PARM1: variants seen among roughly 807,000 people sequenced by gnomAD.
PARM1 encodes the protein prostate androgen-regulated mucin-like protein 1, also known as WSC4, cell wall integrity and stress response component 4 homolog.
In PARM1, 14 loss-of-function variants were observed where a neutral mutation model predicts 24.6. That is an observed-to-expected ratio of 0.57 (90% CI 0.38 to 0.89). The LOEUF is 0.89. Among genes scored for constraint, PARM1 ranks in the 40% least tolerant of loss-of-function variants. The pLI, the probability that PARM1 is intolerant of heterozygous loss-of-function variation, is 0.00. For missense variants in PARM1, 362 were observed against 380.4 expected, an observed-to-expected ratio of 0.95 and a Z score of 0.40; for synonymous variants, 179 against 156.6, an observed-to-expected ratio of 1.14 and a Z score of -1.07.
intron 1 of PARM1, among the ~76,000 whole-genome samples, chr4:75,001,146 A>G (rs1305813644): frequency 6.6e-6 from 1 of 152,214 alleles, no homozygotes; most frequent in Non-Finnish European, 1.5e-5. Context: ...ATGGCATGTA[A>G]TAAGCATTAG....
chr4:74,956,121 C>G (rs1346126433), intron 1 of PARM1: 2 of 152,226 alleles, frequency 1.3e-5, no homozygotes, highest in African/African-American at 4.8e-5. Flanking sequence ...AGGTGGAACA[C>G]CTGGTAGTCA....
chr4:75,011,080 C>G (rs908866596), intron 1 of PARM1, among the ~76,000 whole-genome samples: 1 of 152,038 alleles, frequency 6.6e-6, no homozygotes, highest in East Asian at 1.9e-4. Flanking sequence ...ACAGCCAGAT[C>G]CTGAGAGAAC....
chr4:75,039,070 G>A (rs1192856578), intron 3 of PARM1, among the ~76,000 whole-genome samples: 1 of 152,198 alleles, frequency 6.6e-6, no homozygotes, highest in Non-Finnish European at 1.5e-5. Context: ...CTGGTTGTTA[G>A]AGTAGGCCCA....
chr4:74,975,882 C>T (rs1722131407), intron 1 of PARM1, among the ~76,000 whole-genome samples: 1 of 152,162 alleles, frequency 6.6e-6, no homozygotes, highest in African/African-American at 2.4e-5. Flanking sequence ...AATCCTACAC[C>T]TTCAGCACAG....
chr4:75,013,406 A>G (rs1722919024), intron 2 of PARM1, among the ~76,000 whole-genome samples: 1 of 152,252 alleles, frequency 6.6e-6, no homozygotes, highest in African/African-American at 2.4e-5. Flanking sequence ...TAAGCACATG[A>G]GACCAGATAG....
chr4:74,969,319 A>C (rs1721975319), intron 1 of PARM1, among the ~76,000 whole-genome samples: 1 of 152,202 alleles, frequency 6.6e-6, no homozygotes, highest in African/African-American at 2.4e-5. Flanking sequence ...CTTAGAGGGA[A>C]AGCATGAACC....
intron 2 of PARM1, among the ~76,000 whole-genome samples, chr4:75,015,861 C>A (rs1722974873): frequency 6.6e-6 from 1 of 152,216 alleles, no homozygotes; most frequent in Admixed American, 6.5e-5. Flanking sequence ...CCTTTATTAG[C>A]TAGCAGACCA....
At chr4:74,944,333 G>T (rs1358945048) in intron 1 of PARM1, among the ~76,000 whole-genome samples, 2 of 152,202 alleles carry the variant, frequency 1.3e-5, no homozygotes, top group Non-Finnish European at 2.9e-5. Context: ...ATGACACTTT[G>T]TGTTTATTTA....
chr4:75,000,461 T>C (rs1193876268), intron 1 of PARM1, among the ~76,000 whole-genome samples: 2 of 152,202 alleles, frequency 1.3e-5, no homozygotes, highest in African/African-American at 4.8e-5. Context: ...CCTTTCACTC[T>C]CATCATTCTT....
At position 74,988,638 on chromosome 4, in the gene PARM1, G is replaced by A. The variant is rs150859798; in HGVS notation, c.44-23787G>A. Among the ~76,000 whole-genome samples, 235 of 152,286 alleles carry A rather than the reference G, an allele frequency of 1.5e-3. No homozygotes were observed. In the Middle Eastern group the frequency reaches 0.017, roughly 11 times the overall value. The stretch of plus-strand genomic sequence containing the variant: ...AAATGTTATAAAAGTGTAAAAGAGA[G>A]TCATTCACTCATTAAATAAACACTT... On this transcript the variant is annotated intron_variant, in intron 1 of 3. Coordinates refer to ENST00000307428, the MANE Select transcript of PARM1 (RefSeq NM_015393.4).
intron 1 of PARM1, among the ~76,000 whole-genome samples, chr4:74,995,074 A>AT (rs1412150659): frequency 2.6e-5 from 4 of 152,184 alleles, no homozygotes; most frequent in Admixed American, 2.6e-4. Context: ...ACTAAAGGCC[A>AT]TACCCTGGGA....
chr4:74,968,001 C>A (rs1189667608), intron 1 of PARM1, among the ~76,000 whole-genome samples: 2 of 152,182 alleles, frequency 1.3e-5, no homozygotes, highest in African/African-American at 2.4e-5. Context: ...GAAGTGTTTG[C>A]AGGTTCCTCC....
Position 75,047,327 on chromosome 4 carries a change from G to A in PARM1, c.*1080G>A, listed in dbSNP as rs1395254293. 6.6e-6 allele frequency: 1 copy of A among 152,194 alleles called. No homozygotes were observed. Among genetic ancestry groups the A allele is most frequent in the Non-Finnish European group, 1.5e-5 (1 of 68,038 alleles). 9.4% of individuals were successfully genotyped at this position (152,194 alleles called of 1,614,324 possible). On this transcript the variant is annotated 3_prime_UTR_variant, in exon 4 of 4. Transcript: ENST00000307428. Reference sequence around the variant, plus strand: ...ACTAGTCTATCTGCAATTACTCAACGAGGCATTTTCATAGGAAACAGACTA... The same window carrying A: ...ACTAGTCTATCTGCAATTACTCAACAAGGCATTTTCATAGGAAACAGACTA...
chr4:75,010,664 G>T (rs1343413231), intron 1 of PARM1, among the ~76,000 whole-genome samples: 2 of 152,194 alleles, frequency 1.3e-5, no homozygotes, highest in Non-Finnish European at 2.9e-5. Flanking sequence ...ATTACATAGG[G>T]AAGCAATTCT....
chr4:74,934,555 C>G (rs1289665995), intron 1 of PARM1, among the ~76,000 whole-genome samples: 1 of 152,180 alleles, frequency 6.6e-6, no homozygotes. Context: ...AGTGAACGTC[C>G]GTCTGAGAAA....
chr4:74,956,964 G>C (rs1464549266), intron 1 of PARM1: 1 of 152,264 alleles, frequency 6.6e-6, no homozygotes, highest in Non-Finnish European at 1.5e-5. Flanking sequence ...CAATCTGATT[G>C]TATCACCACA....
At chr4:74,977,266 A>G (rs1332337189) in intron 1 of PARM1, among the ~76,000 whole-genome samples, 2 of 152,246 alleles carry the variant, frequency 1.3e-5, no homozygotes, top group Non-Finnish European at 2.9e-5. Flanking sequence ...AGGAACATAA[A>G]TGACCTGATG....
At chr4:74,939,760 T>A (rs1721266426) in intron 1 of PARM1, among the ~76,000 whole-genome samples, 2 of 152,208 alleles carry the variant, frequency 1.3e-5, no homozygotes, top group African/African-American at 4.8e-5. Flanking sequence ...TGGTGGATAT[T>A]TGTACCTTTT....
At chr4:74,996,272 A>C (rs1035103172) in intron 1 of PARM1, among the ~76,000 whole-genome samples, 1 of 152,176 alleles carries the variant, frequency 6.6e-6, no homozygotes, top group Non-Finnish European at 1.5e-5. Context: ...TGGTGCTGTG[A>C]GGGCAGTGAC....
Sources: allele counts gnomAD v4.1 joint callset (sites outside exome capture counted in the v4.1 genomes callset), GRCh38; gene constraint gnomAD v4.1.1; transcripts MANE v1.5; gene names NCBI Gene and HGNC (gene_info 2026-07-23, HGNC 2026-07-21).